DCT: variants seen among roughly 807,000 people sequenced by gnomAD.
DCT encodes L-dopachrome tautomerase.
In DCT, 47 loss-of-function variants were observed where a neutral mutation model predicts 53.0. The observed-to-expected ratio is 0.89, with a 90% confidence interval of 0.70 to 1.13. DCT has a LOEUF of 1.13. Ranked by LOEUF, DCT falls within the 50% of genes most tolerant of loss-of-function variation. DCT has a pLI of 0.00. For missense variants in DCT, 669 were observed against 637.4 expected, an observed-to-expected ratio of 1.05 and a Z score of -0.53; for synonymous variants, 244 against 237.0, an observed-to-expected ratio of 1.03 and a Z score of -0.27.
At chr13:94,460,424 G>A (rs1012791260) in intron 5 of DCT, among the ~76,000 whole-genome samples, 198 bp from the exon 6 acceptor site, 3 of 152,052 alleles carry the variant, frequency 2.0e-5, no homozygotes, top group Non-Finnish European at 4.4e-5. Context: ...CCTAAGCAAC[G>A]CTATTTCTGA....
the DCT span, among the ~76,000 whole-genome samples, chr13:94,528,738 G>A: frequency 7.9e-5 from 12 of 152,228 alleles, no homozygotes; most frequent in South Asian, 8.3e-4. Flanking sequence ...ATCAATTAAC[G>A]GGCAAAATAA....
chr13:94,483,510 T>G (rs1885535173), upstream of DCT, among the ~76,000 whole-genome samples: 1 of 151,898 alleles, frequency 6.6e-6, no homozygotes, highest in Non-Finnish European at 1.5e-5. Context: ...CTTAGTTTGT[T>G]TTTTGTTTTT....
chr13:94,448,566 A>T (rs994088696), intron 6 of DCT, among the ~76,000 whole-genome samples: 1 of 152,222 alleles, frequency 6.6e-6, no homozygotes, highest in Non-Finnish European at 1.5e-5. Context: ...TAAAGGGTCA[A>T]ATGTCATTTG....
chr13:94,465,895 A>G (rs1884161659), intron 3 of DCT, 96 bp from the exon 4 acceptor site: 2 of 831,224 alleles, frequency 2.4e-6, no homozygotes, highest in East Asian at 6.3e-5. Context: ...TGAACCAAAT[A>G]TCTACCAAGA....
chr13:94,493,638 C>T, the DCT span, among the ~76,000 whole-genome samples: 2 of 152,240 alleles, frequency 1.3e-5, no homozygotes, highest in African/African-American at 4.8e-5. Flanking sequence ...ATTGCTAAGT[C>T]TGAAAGGGCT....
At chr13:94,461,712 T>C (rs1270689256) in intron 5 of DCT, among the ~76,000 whole-genome samples, 1 of 152,188 alleles carries the variant, frequency 6.6e-6, no homozygotes, top group Non-Finnish European at 1.5e-5. Context: ...AAAAACACTA[T>C]ATTTAATGAA....
chr13:94,517,201 G>C, the DCT span, among the ~76,000 whole-genome samples: 1 of 151,996 alleles, frequency 6.6e-6, no homozygotes, highest in Non-Finnish European at 1.5e-5. Flanking sequence ...CAACAACATC[G>C]TTTCATTTCT....
chr13:94,510,756 C>T, the DCT span, among the ~76,000 whole-genome samples: 1 of 152,188 alleles, frequency 6.6e-6, no homozygotes, highest in African/African-American at 2.4e-5. Flanking sequence ...GCTTCTCCAG[C>T]ACCTACTTCT....
intron 6 of DCT, chr13:94,445,683 A>G: frequency 6.8e-7 from 1 of 1,472,006 alleles, no homozygotes; most frequent in Non-Finnish European, 9.3e-7. Context: ...AACAAAGGAA[A>G]AAAACCTGAG....
intron 6 of DCT, among the ~76,000 whole-genome samples, chr13:94,452,346 T>C (rs1163339080): frequency 6.6e-6 from 1 of 152,168 alleles, no homozygotes; most frequent in Non-Finnish European, 1.5e-5. Context: ...ACTTCACTTA[T>C]AAGAAGAGAA....
At chr13:94,519,829 A>G in the DCT span, among the ~76,000 whole-genome samples, 895 of 152,306 alleles carry the variant, frequency 5.9e-3, 13 homozygotes, top group African/African-American at 0.02. Flanking sequence ...TAGTAGTAGA[A>G]CCAAGAAAAA....
At chr13:94,542,450 C>A in the DCT span, among the ~76,000 whole-genome samples, 8,214 of 152,268 alleles carry the variant, frequency 0.054, 579 homozygotes, top group African/African-American at 0.16. Flanking sequence ...CTCGGCCTCC[C>A]AAAGTGCTGG....
At chr13:94,547,169 C>T in the DCT span, among the ~76,000 whole-genome samples, 2 of 151,546 alleles carry the variant, frequency 1.3e-5, no homozygotes, top group African/African-American at 2.4e-5. Flanking sequence ...CAGGCTGGAG[C>T]GCAGTGGCAT....
chr13:94,515,431 C>A, the DCT span, among the ~76,000 whole-genome samples: 1 of 152,188 alleles, frequency 6.6e-6, no homozygotes, highest in Non-Finnish European at 1.5e-5. Context: ...ATTTGGAAAC[C>A]AATTGGATGC....
intron 6 of DCT, chr13:94,445,643 G>A (rs567872847): frequency 4.0e-5 from 38 of 961,834 alleles, no homozygotes; most frequent in Admixed American, 1.8e-4. Context: ...TTGGGTAATC[G>A]TAATCTGTTA....
intron 5 of DCT, among the ~76,000 whole-genome samples, chr13:94,461,258 A>G (rs1389044884): frequency 6.6e-6 from 1 of 152,206 alleles, no homozygotes; most frequent in Non-Finnish European, 1.5e-5. Flanking sequence ...GCCTACACCT[A>G]CTGAACCAGA....
At chr13:94,503,307 G>A in the DCT span, among the ~76,000 whole-genome samples, 2 of 151,830 alleles carry the variant, frequency 1.3e-5, no homozygotes, top group Admixed American at 6.6e-5. Flanking sequence ...CTGAGCCTGG[G>A]AGGTCGAGGC....
chr13:94,531,479 T>C, the DCT span, among the ~76,000 whole-genome samples: 34 of 152,118 alleles, frequency 2.2e-4, no homozygotes, highest in African/African-American at 8.2e-4. Context: ...GCCTCAGAAA[T>C]AACACCACAC....
chr13:94,547,348 C>T, the DCT span, among the ~76,000 whole-genome samples: 1 of 151,948 alleles, frequency 6.6e-6, no homozygotes, highest in Non-Finnish European at 1.5e-5. Flanking sequence ...AACTTCTGAC[C>T]TCAAGTGATC....
Sources: gnomAD v4.1 joint callset for allele counts (sites outside exome capture counted in the v4.1 genomes callset) on GRCh38, gnomAD v4.1.1 for gene constraint, MANE v1.5 for transcripts, NCBI Gene and HGNC (gene_info 2026-07-23, HGNC 2026-07-21) for gene names.